The following VPS8 variants were observed in gnomAD, a reference collection of about 807,000 sequenced individuals.
VPS8 encodes the protein VPS8 subunit of CORVET complex.
VPS8 carries 129 observed loss-of-function variants against 216.4 expected under a neutral mutation model. The ratio of observed to expected loss-of-function variants is 0.60; its 90% confidence interval spans 0.52 to 0.69. The LOEUF is 0.69. Among genes scored for constraint, VPS8 ranks in the 30% least tolerant of loss-of-function variants. The pLI is 0.00. For missense variants in VPS8, 1,531 were observed against 1,683.5 expected (o/e 0.91, Z 1.59); for synonymous variants, 571 against 565.4 (o/e 1.01, Z -0.14).
intron 29 of VPS8, among the ~76,000 whole-genome samples, chr3:184,921,233 C>T (rs1482230710): frequency 6.6e-6 from 1 of 152,188 alleles, no homozygotes; most frequent in Non-Finnish European, 1.5e-5. Context: ...TAATTTTTCT[C>T]ATAGAAGTCT....
intron 43 of VPS8, among the ~76,000 whole-genome samples, chr3:184,995,741 G>A (rs1177036192): frequency 6.6e-6 from 1 of 152,180 alleles, no homozygotes; most frequent in African/African-American, 2.4e-5. Context: ...CTGTTAAAAT[G>A]TCTTTATGTG....
At chr3:184,965,031 A>G (rs962930560) in intron 38 of VPS8, among the ~76,000 whole-genome samples, 1 of 152,188 alleles carries the variant, frequency 6.6e-6, no homozygotes, top group Non-Finnish European at 1.5e-5. Context: ...CATAGCAGCT[A>G]TGCCACTTTA....
At chr3:184,846,484 G>T (rs1723151754) in intron 8 of VPS8, among the ~76,000 whole-genome samples, 1 of 152,108 alleles carries the variant, frequency 6.6e-6, no homozygotes, top group Admixed American at 6.5e-5. Context: ...CATATTCTCA[G>T]TTCTCCTGCT....
At chr3:184,858,153 T>C (rs1165984140) in intron 14 of VPS8, among the ~76,000 whole-genome samples, 1 of 152,180 alleles carries the variant, frequency 6.6e-6, no homozygotes, top group Non-Finnish European at 1.5e-5. Flanking sequence ...GTGCTTTATA[T>C]TTCTTCAGTG....
At chr3:184,956,109 T>G (rs1470644515) in intron 36 of VPS8, among the ~76,000 whole-genome samples, 1 of 152,184 alleles carries the variant, frequency 6.6e-6, no homozygotes, top group Non-Finnish European at 1.5e-5. Context: ...ATCACAAAGC[T>G]CTTAAATTAG....
chr3:184,907,701 T>C (rs1445500656), intron 25 of VPS8, among the ~76,000 whole-genome samples: 1 of 152,252 alleles, frequency 6.6e-6, no homozygotes, highest in Non-Finnish European at 1.5e-5. Flanking sequence ...CTTTTTCCTG[T>C]TCATCTTCTA....
chr3:184,840,759 G>A (rs1457485103), intron 7 of VPS8, among the ~76,000 whole-genome samples: 1 of 151,854 alleles, frequency 6.6e-6, no homozygotes, highest in Admixed American at 6.6e-5. Flanking sequence ...TTTTTTTGGG[G>A]GGGGTCATTT....
chr3:184,824,885 T>A (rs1190533367), intron 2 of VPS8, 100 bp downstream of exon 2: 18 of 1,146,920 alleles, frequency 1.6e-5, no homozygotes, highest in Non-Finnish European at 2.2e-5. Flanking sequence ...TTTGCATGGG[T>A]TAATAGGAGT....
intron 46 of VPS8, among the ~76,000 whole-genome samples, chr3:185,041,344 A>G (rs1203398506): frequency 1.3e-5 from 2 of 152,028 alleles, no homozygotes; most frequent in Non-Finnish European, 2.9e-5. Context: ...ATGACACTTC[A>G]GCTTGAGTAG....
intron 46 of VPS8, among the ~76,000 whole-genome samples, chr3:185,042,678 C>G (rs917364804): frequency 6.6e-6 from 1 of 152,174 alleles, no homozygotes; most frequent in African/African-American, 2.4e-5. Flanking sequence ...ACTGAGATGG[C>G]CACCCCTTTC....
At chr3:184,960,515 A>G (rs1251010971) in intron 37 of VPS8, among the ~76,000 whole-genome samples, 2 of 152,214 alleles carry the variant, frequency 1.3e-5, no homozygotes, top group Non-Finnish European at 2.9e-5. Context: ...CCAGATTTCT[A>G]GGAATCTCAT....
intron 46 of VPS8, among the ~76,000 whole-genome samples, chr3:185,045,098 G>A (rs9830163): frequency 0.48 from 72,651 of 151,502 alleles, 17,726 homozygotes; most frequent in East Asian, 0.67. Flanking sequence ...GAGGTGGAGG[G>A]CAGGCAGGGA....
intron 3 of VPS8, among the ~76,000 whole-genome samples, chr3:184,830,444 G>A (rs532750729): frequency 1.4e-5 from 2 of 147,162 alleles, no homozygotes; most frequent in Non-Finnish European, 1.5e-5. Context: ...TTTAGAATTA[G>A]TTTATCAGTT....
intron 21 of VPS8, among the ~76,000 whole-genome samples, chr3:184,885,139 T>C (rs1449341702): frequency 6.6e-6 from 1 of 152,246 alleles, no homozygotes; most frequent in Non-Finnish European, 1.5e-5. Context: ...GGTCCTTCTT[T>C]AGTCACCTCT....
chr3:184,905,294 G>C (rs1323468977), intron 25 of VPS8, among the ~76,000 whole-genome samples: 1 of 152,190 alleles, frequency 6.6e-6, no homozygotes, highest in Non-Finnish European at 1.5e-5. Flanking sequence ...AGTTTACTCA[G>C]ATTATCTGTG....
chr3:184,901,494 T>G (rs1734475912), intron 25 of VPS8: 1 of 151,872 alleles, frequency 6.6e-6, no homozygotes, highest in African/African-American at 2.4e-5. Context: ...GACAAGTTTT[T>G]TAAGGTTTTT....
chr3:184,848,207 C>CTA (rs1723503189), intron 8 of VPS8, among the ~76,000 whole-genome samples: 1 of 152,144 alleles, frequency 6.6e-6, no homozygotes, highest in Non-Finnish European at 1.5e-5. Flanking sequence ...GCCACCGTGC[C>CTA]TAGCCACTTT....
At chr3:184,925,367 G>A (rs958093974) in intron 30 of VPS8, among the ~76,000 whole-genome samples, 4 of 152,108 alleles carry the variant, frequency 2.6e-5, no homozygotes, top group East Asian at 1.9e-4. Flanking sequence ...TTGTAATCCC[G>A]CTTAAATAGC....
chr3:184,992,136 C>A (rs1040693225), intron 42 of VPS8, among the ~76,000 whole-genome samples: 1 of 152,134 alleles, frequency 6.6e-6, no homozygotes, highest in Non-Finnish European at 1.5e-5. Context: ...AACTGCACAA[C>A]CTATTCTGCA....
Sources: gnomAD v4.1 joint callset for allele counts (sites outside exome capture counted in the v4.1 genomes callset) on GRCh38, gnomAD v4.1.1 for gene constraint, MANE v1.5 for transcripts, NCBI Gene and HGNC (gene_info 2026-07-23, HGNC 2026-07-21) for gene names.